The following ZPBP variants were observed in gnomAD, a reference collection of about 807,000 sequenced individuals.
ZPBP encodes zona pellucida binding protein.
Under a neutral mutation model 44.8 loss-of-function variants are expected in ZPBP, and 26 were observed. The observed-to-expected ratio is 0.58, with a 90% confidence interval of 0.43 to 0.81. The LOEUF is 0.81. Ranked by LOEUF, ZPBP falls within the 30% of genes least tolerant of loss-of-function variation. ZPBP has a pLI of 0.00. For missense variants in ZPBP, 409 were observed against 434.0 expected (o/e 0.94, Z 0.51); for synonymous variants, 174 against 153.2 (o/e 1.14, Z -1.00).
chr7:50,031,481 C>T (rs963355771), intron 4 of ZPBP, among the ~76,000 whole-genome samples, 171 bp from the exon 5 acceptor site: 8 of 151,930 alleles, frequency 5.3e-5, no homozygotes, highest in African/African-American at 1.9e-4. Context: ...TACTAAGTAC[C>T]AAATACTATG....
chr7:50,033,686 A>G (rs115687600), intron 4 of ZPBP, among the ~76,000 whole-genome samples: 6 of 132,430 alleles, frequency 4.5e-5, no homozygotes, highest in African/African-American at 5.6e-5. Flanking sequence ...CAGTTTATTT[A>G]TTTATTTATT....
intron 4 of ZPBP, among the ~76,000 whole-genome samples, chr7:50,040,663 G>C (rs751353532): frequency 5.9e-5 from 9 of 152,190 alleles, no homozygotes; most frequent in Admixed American, 2.6e-4. Context: ...GCAACCTGCA[G>C]ACCAGGAGAT....
intron 1 of ZPBP, chr7:49,917,400 A>G (rs967340502): frequency 3.9e-5 from 6 of 152,216 alleles, no homozygotes; most frequent in African/African-American, 1.4e-4. Context: ...TTTCAATAGA[A>G]TTAGGAAACT....
In ZPBP at chr7:49,882,630, G is replaced by A. The variant is rs895706499; in HGVS notation, n.509+18488C>T. On this transcript the variant is annotated intron_variant and non_coding_transcript_variant, in intron 2 of 2. Transcript: ENST00000465922. ...AGTACAGAAAGGAGGCAGGGAGAGA[G>A]ACAGGGAGAGAGGTAAACACTACGT... Among the ~76,000 whole-genome samples the A allele has an allele frequency of 3.9e-5, 6 of 152,046 alleles. 1 individual carries two copies. Among genetic ancestry groups the A allele is most frequent in the Non-Finnish European group, 7.4e-5 (5 of 67,992 alleles).
At chr7:49,981,681 A>AT (rs1796974914) in intron 7 of ZPBP, among the ~76,000 whole-genome samples, 5 of 40,582 alleles carry the variant, frequency 1.2e-4, no homozygotes, top group Non-Finnish European at 1.8e-4. Flanking sequence ...TATATTATAT[A>AT]TAATAATATA....
chr7:50,089,806 C>A, intron 1 of ZPBP, 97 bp from the exon 2 acceptor site: 1 of 940,786 alleles, frequency 1.1e-6, no homozygotes, highest in Non-Finnish European at 1.7e-6. Context: ...AAGGGGAGAG[C>A]CATAATTCAA....
intron 2 of ZPBP, among the ~76,000 whole-genome samples, chr7:49,893,527 C>T (rs1320048831): frequency 2.0e-5 from 3 of 151,976 alleles, no homozygotes; most frequent in African/African-American, 7.3e-5. Flanking sequence ...TGTACTAGGT[C>T]CTTACTAGGA....
chr7:49,970,052 T>A (rs1408065238), intron 7 of ZPBP, among the ~76,000 whole-genome samples: 1 of 152,034 alleles, frequency 6.6e-6, no homozygotes, highest in Non-Finnish European at 1.5e-5. Flanking sequence ...GTAGAGACGG[T>A]GTTTAGCCAT....
intron 7 of ZPBP, among the ~76,000 whole-genome samples, chr7:49,968,822 A>G (rs1403096395): frequency 2.0e-5 from 3 of 152,144 alleles, no homozygotes; most frequent in Non-Finnish European, 2.9e-5. Flanking sequence ...TCCAATCAAC[A>G]ACAGAATGGG....
chr7:49,885,929 C>G (rs1791885384), intron 2 of ZPBP, among the ~76,000 whole-genome samples: 1 of 152,234 alleles, frequency 6.6e-6, no homozygotes, highest in Admixed American at 6.5e-5. Flanking sequence ...GATTCTGGGG[C>G]TGTGCAGAGG....
chr7:49,960,577 T>C lies in ZPBP; in HGVS notation c.961+22765A>G, dbSNP rs746553291. ...AAAAACAAAAATGCAGGCCACAATC[T>C]GAGAGAAAATACAGCACATATATCA... On this transcript the variant is annotated intron_variant, in intron 7 of 7. Coordinates refer to ENST00000046087, the MANE Select transcript of ZPBP (RefSeq NM_007009.3). 5.9e-5 allele frequency among the ~76,000 whole-genome samples: 9 copies of C among 152,248 alleles called. 1 individual carries two copies. The Middle Eastern group carries it at 0.01, about 173-fold the overall frequency.
chr7:50,081,605 TG>T (rs1328773096), intron 3 of ZPBP, among the ~76,000 whole-genome samples, 168 bp downstream of exon 3: 1 of 151,822 alleles, frequency 6.6e-6, no homozygotes, highest in Non-Finnish European at 1.5e-5. Flanking sequence ...AAATAAAATA[TG>T]TAAAAATGGG....
chr7:49,924,425 T>C (rs973953453), intron 1 of ZPBP, among the ~76,000 whole-genome samples: 1 of 152,170 alleles, frequency 6.6e-6, no homozygotes, highest in Non-Finnish European at 1.5e-5. Flanking sequence ...AAAGTTTCAT[T>C]ATAAAGCATT....
chr7:50,061,283 A>G (rs1370299440), intron 3 of ZPBP, among the ~76,000 whole-genome samples: 1 of 152,220 alleles, frequency 6.6e-6, no homozygotes, highest in Non-Finnish European at 1.5e-5. Flanking sequence ...CACCGCTCCT[A>G]TTAACATAGT....
chr7:49,943,672 T>C (rs1007531849), intron 7 of ZPBP: 60 of 295,804 alleles, frequency 2.0e-4, no homozygotes, highest in Admixed American at 9.0e-4. Flanking sequence ...ACATTTGTTA[T>C]GTACAAACAT....
chr7:50,021,662 T>C (rs1368660658), intron 5 of ZPBP, among the ~76,000 whole-genome samples: 3 of 151,904 alleles, frequency 2.0e-5, no homozygotes, highest in East Asian at 3.9e-4. Flanking sequence ...ACAAGATAAA[T>C]AGAATCCACA....
downstream of ZPBP, among the ~76,000 whole-genome samples, chr7:49,935,397 T>G (rs1443790841): frequency 6.6e-6 from 1 of 152,078 alleles, no homozygotes; most frequent in Non-Finnish European, 1.5e-5. Flanking sequence ...ATTTATTTAT[T>G]ATTAATATTA....
At chr7:50,036,995 A>G (rs1353470170) in intron 4 of ZPBP, among the ~76,000 whole-genome samples, 2 of 152,072 alleles carry the variant, frequency 1.3e-5, no homozygotes, top group African/African-American at 4.8e-5. Flanking sequence ...TGTAAAATTT[A>G]ATATATAAAG....
intron 4 of ZPBP, among the ~76,000 whole-genome samples, chr7:50,053,115 T>A (rs1045654056): frequency 2.4e-4 from 37 of 152,078 alleles, no homozygotes; most frequent in African/African-American, 8.7e-4. Context: ...ATGAATAAGA[T>A]CATATTTTAC....
Sources: allele counts gnomAD v4.1 joint callset (sites outside exome capture counted in the v4.1 genomes callset), GRCh38; gene constraint gnomAD v4.1.1; transcripts MANE v1.5; gene names NCBI Gene and HGNC (gene_info 2026-07-23, HGNC 2026-07-21).